The following TRIP12 variants were observed in gnomAD, a reference collection of about 807,000 sequenced individuals.
The protein encoded by TRIP12 is E3 ubiquitin-protein ligase TRIP12.
In TRIP12, 25 loss-of-function variants were observed where a neutral mutation model predicts 244.2. The ratio of observed to expected loss-of-function variants is 0.10; its 90% CI spans 0.07 to 0.14. TRIP12 has a LOEUF of 0.14. Ranked by LOEUF, TRIP12 falls within the 10% of genes least tolerant of loss-of-function variation. The pLI, the probability that TRIP12 is intolerant of heterozygous loss-of-function variation, is 1.00. For synonymous variants in TRIP12, 905 were observed against 873.1 expected (o/e 1.04, Z -0.64); for missense variants, 1,677 against 2,486.4 (o/e 0.67, Z 6.92).
Position 229,880,134 on chromosome 2 carries a change from AG to A in TRIP12, c.-49-7del. ...TTTCTAGACACTACCATTCACTAAA[AG>A]AAAAAAAAATAAACAAAATTTATCA... On this transcript the variant is annotated splice_region_variant and splice_polypyrimidine_tract_variant and intron_variant, in intron 1 of 41. Coordinates refer to ENST00000675903, the MANE Select transcript of TRIP12 (RefSeq NM_001348323.3). 1 of 1,497,770 alleles carries A rather than the reference AG, an allele frequency of 6.7e-7. No individual in the cohort carries two copies. Among genetic ancestry groups the A allele is most frequent in the East Asian group, 2.3e-5 (1 of 44,034 alleles). The allele number at this position is 1,497,770 out of a possible 1,614,324, so 92.8% of individuals were successfully genotyped here. A position where few individuals can be genotyped will look rare whatever the true frequency, so the allele number is the denominator to read the frequency against.
chr2:229,920,410 G>A (rs932808180), intron 1 of TRIP12, among the ~76,000 whole-genome samples: 1 of 152,126 alleles, frequency 6.6e-6, no homozygotes, highest in Admixed American at 6.5e-5. Context: ...GGAGACAGCA[G>A]GAGAGCAGTT....
At chr2:229,771,410 C>T (rs2034295222) in intron 39 of TRIP12, 109 bp downstream of exon 39, 1 of 806,316 alleles carries the variant, frequency 1.2e-6, no homozygotes, top group Non-Finnish European at 2.0e-6. Flanking sequence ...TGCTATCTAA[C>T]ACCCATTTTT....
chr2:229,805,375 T>C (rs1266871566), intron 18 of TRIP12, among the ~76,000 whole-genome samples: 2 of 152,214 alleles, frequency 1.3e-5, no homozygotes, highest in Non-Finnish European at 2.9e-5. Flanking sequence ...CAATTATCTG[T>C]CCTTAATTAG....
chr2:229,767,354 C>G lies in TRIP12; in HGVS notation c.*200G>C. ...ACTTGCTAAAGAAACCTCATCACAACAACGTTTTAGGGCCTGATCACTTTA... is the reference window on the plus strand; with the variant it reads ...ACTTGCTAAAGAAACCTCATCACAAGAACGTTTTAGGGCCTGATCACTTTA... On this transcript the variant is annotated 3_prime_UTR_variant, in exon 42 of 42. Transcript: ENST00000675903. The G allele has an allele frequency of 2.2e-6, 1 of 455,752 alleles. No individual in the cohort carries two copies. The highest frequency in any genetic ancestry group is 3.6e-6 in the Non-Finnish European group (1 of 276,104). 28.2% of individuals were successfully genotyped at this position (455,752 alleles called of 1,614,324 possible).
chr2:229,791,354 G>T, intron 29 of TRIP12, 103 bp from the exon 30 acceptor site: 1 of 1,303,692 alleles, frequency 7.7e-7, no homozygotes, highest in Non-Finnish European at 1.1e-6. Flanking sequence ...ACTGTTCTGA[G>T]ATCTATTCTC....
intron 4 of TRIP12, among the ~76,000 whole-genome samples, chr2:229,846,671 AT>A (rs1191667111): frequency 1.1e-5 from 1 of 87,750 alleles, no homozygotes; most frequent in African/African-American, 3.6e-5. Context: ...GTAAAAATAA[AT>A]TTAAAAAAAT....
chr2:229,901,383 G>C (rs1258804474), intron 1 of TRIP12, among the ~76,000 whole-genome samples: 1 of 151,882 alleles, frequency 6.6e-6, no homozygotes, highest in Non-Finnish European at 1.5e-5. Context: ...CACTTTGGGA[G>C]GCTAAGGTGG....
intron 33 of TRIP12, among the ~76,000 whole-genome samples, chr2:229,786,958 T>C (rs1400965226): frequency 6.6e-6 from 1 of 152,158 alleles, no homozygotes; most frequent in Non-Finnish European, 1.5e-5. Flanking sequence ...CGGTCTCCAC[T>C]GGAAATGGCT....
Position 229,789,706 on chromosome 2 carries a change from G to C in TRIP12, c.4600C>G (p.Pro1534Ala), listed in dbSNP as rs746765548. The C allele has an allele frequency of 6.2e-7, 1 of 1,614,048 alleles. No homozygotes were observed. Among genetic ancestry groups the C allele is most frequent in the Non-Finnish European group, 8.5e-7 (1 of 1,179,984 alleles). Residue 1534 changes from proline (P) to alanine (A), a missense_variant, in exon 31 of 42, where the codon CCT becomes GCT. By Grantham distance (27) the Pro-to-Ala change is conservative. Coordinates refer to ENST00000675903, the MANE Select transcript of TRIP12 (RefSeq NM_001348323.3). ...PLEVYLIPTP[P>A]ENITFEDPSL... ...GGGTCTTCAAATGTTATATTTTCAG[G>C]TGGTGTGGGAATGAGGTAAACTTCT... is the stretch of plus-strand genomic sequence containing the variant.
intron 38 of TRIP12, among the ~76,000 whole-genome samples, chr2:229,772,092 AGT>A (rs1468177431): frequency 6.6e-6 from 1 of 152,218 alleles, no homozygotes; most frequent in African/African-American, 2.4e-5. Flanking sequence ...ACCTGTCTGC[AGT>A]GTGTGCTTCC....
chr2:229,793,899 T>C (rs997515565), intron 26 of TRIP12, among the ~76,000 whole-genome samples: 6 of 152,124 alleles, frequency 3.9e-5, no homozygotes, highest in Admixed American at 2.0e-4. Flanking sequence ...GTGTATTTTA[T>C]GTGGCCCAAG....
chr2:229,779,381 C>T lies in TRIP12; in HGVS notation c.5095-391G>A, dbSNP rs142537470. On this transcript the variant is annotated intron_variant, in intron 34 of 41. Transcript: ENST00000675903. ...TCACCCTCTCAAGGGGAAGGCTCCC[C>T]CCAGCATCTGCTCCCAACAGTTAGT... is the stretch of plus-strand genomic sequence containing the variant. Among the ~76,000 whole-genome samples the T allele has an allele frequency of 7.5e-4, 114 of 152,306 alleles. 2 individuals are homozygous for T. The South Asian group carries it at 0.014, about 19-fold the overall frequency.
chr2:229,803,870 C>CA (rs1229898214), intron 19 of TRIP12, 129 bp downstream of exon 19: 9 of 902,338 alleles, frequency 1.0e-5, no homozygotes, highest in Non-Finnish European at 1.5e-5. Flanking sequence ...TATAAATAGA[C>CA]AAAAAAGAGC....
chr2:229,884,237 T>G (rs796852462), intron 1 of TRIP12, among the ~76,000 whole-genome samples: 5 of 28,960 alleles, frequency 1.7e-4, no homozygotes, highest in African/African-American at 6.9e-4. Context: ...TTTTCTTTTC[T>G]TTTTTTTTTT....
At chr2:229,864,039 A>T (rs1040555783) in intron 2 of TRIP12, among the ~76,000 whole-genome samples, 6 of 79,178 alleles carry the variant, frequency 7.6e-5, no homozygotes, top group Non-Finnish European at 1.1e-4. Flanking sequence ...AGAGAGAGAG[A>T]GAGAGAGAGT....
Position 229,788,949 on chromosome 2 carries a change from T to C in TRIP12, c.4696-9A>G, listed in dbSNP as rs113373033. On this transcript the variant is annotated splice_polypyrimidine_tract_variant and intron_variant, in intron 31 of 41. Transcript: ENST00000675903. The stretch of plus-strand genomic sequence containing the variant: ...TCCTTGCACATTGCATTCTGTAAAA[T>C]GTTTAAAAAAAAAAAAGTCTACATG... 366 of 1,585,582 alleles carry C rather than the reference T, an allele frequency of 2.3e-4. 2 individuals are homozygous for C. The African/African-American group carries it at 4.6e-3, about 20-fold the overall frequency.
intron 1 of TRIP12, among the ~76,000 whole-genome samples, chr2:229,904,559 C>G (rs1452602879): frequency 6.6e-6 from 1 of 151,264 alleles, no homozygotes; most frequent in Non-Finnish European, 1.5e-5. Context: ...TAAGGAAAAG[C>G]AATATGATCT....
chr2:229,811,935 A>G (rs1287335655), intron 13 of TRIP12, among the ~76,000 whole-genome samples: 1 of 152,206 alleles, frequency 6.6e-6, no homozygotes, highest in Admixed American at 6.5e-5. Context: ...CTGACACTAC[A>G]TAAATCAAGA....
At chr2:229,791,054 CT>C in intron 30 of TRIP12, 69 bp downstream of exon 30, 1 of 1,588,366 alleles carries the variant, frequency 6.3e-7, no homozygotes, top group Admixed American at 1.8e-5. Context: ...CCAAATCACT[CT>C]TTGAAAATCA....
Sources: gnomAD v4.1 joint callset for allele counts (sites outside exome capture counted in the v4.1 genomes callset) on GRCh38, gnomAD v4.1.1 for gene constraint, MANE v1.5 for transcripts, NCBI Gene and HGNC (gene_info 2026-07-23, HGNC 2026-07-21) for gene names.